Variants in PTPRK observed in about 807,000 individuals in gnomAD.
PTPRK encodes receptor-type tyrosine-protein phosphatase kappa.
In PTPRK, 75 loss-of-function variants were observed where a neutral mutation model predicts 178.0. The ratio of observed to expected loss-of-function variants is 0.42; its 90% CI spans 0.35 to 0.51. PTPRK has a LOEUF of 0.51. Ranked by LOEUF, PTPRK falls within the 20% of genes least tolerant of loss-of-function variation. The pLI is 0.02. For missense variants in PTPRK, 1,441 were observed against 1,797.8 expected (o/e 0.80, Z 3.59); for synonymous variants, 637 against 620.6 (o/e 1.03, Z -0.39).
At chr6:128,017,575 G>A (rs1425375221) in intron 13 of PTPRK, among the ~76,000 whole-genome samples, 2 of 150,934 alleles carry the variant, frequency 1.3e-5, no homozygotes, top group African/African-American at 4.9e-5. Context: ...CCCAGGCTAG[G>A]CAACACTCTT....
At chr6:128,350,341 T>C (rs1193303577) in intron 2 of PTPRK, among the ~76,000 whole-genome samples, 4 of 152,212 alleles carry the variant, frequency 2.6e-5, no homozygotes, top group Non-Finnish European at 2.9e-5. Flanking sequence ...GCAGGTATTA[T>C]ATATGTTGGA....
chr6:128,217,990 A>T (rs1486036608), intron 6 of PTPRK, among the ~76,000 whole-genome samples: 2 of 152,188 alleles, frequency 1.3e-5, no homozygotes, highest in Non-Finnish European at 2.9e-5. Flanking sequence ...CTAGATTTTC[A>T]TATGGCTGAA....
chr6:128,391,428 T>A (rs1318340707), intron 2 of PTPRK, among the ~76,000 whole-genome samples: 1 of 152,168 alleles, frequency 6.6e-6, no homozygotes, highest in African/African-American at 2.4e-5. Context: ...TTGGCCTGAT[T>A]TTCTCAATCT....
At chr6:128,450,249 G>GTTA (rs1211433721) in intron 1 of PTPRK, among the ~76,000 whole-genome samples, 1 of 152,166 alleles carries the variant, frequency 6.6e-6, no homozygotes, top group African/African-American at 2.4e-5. Flanking sequence ...TGTGCACACA[G>GTTA]TTATGACAAT....
intron 2 of PTPRK, among the ~76,000 whole-genome samples, chr6:128,357,101 C>T (rs1834063095): frequency 6.6e-6 from 1 of 152,100 alleles, no homozygotes; most frequent in African/African-American, 2.4e-5. Context: ...GGCTGGAAGT[C>T]CATTAAGATG....
In PTPRK at chr6:128,509,920, G is replaced by A. The variant is rs143836483; in HGVS notation, c.100+10339C>T. ...ATTTAAGTGTTGGTTTAGATAAAGG[G>A]GCATAATGAGTCAACACCAGATAGC... On this transcript the variant is annotated intron_variant, in intron 1 of 29. Coordinates refer to ENST00000368226, the MANE Select transcript of PTPRK (RefSeq NM_002844.4). Among the ~76,000 whole-genome samples the A allele has an allele frequency of 3.3e-5, 5 of 152,188 alleles. No individual in the cohort carries two copies. In the East Asian group the frequency reaches 7.7e-4, roughly 24 times the overall value.
At chr6:127,993,171 G>A (rs1354499576) in intron 18 of PTPRK, among the ~76,000 whole-genome samples, 2 of 151,736 alleles carry the variant, frequency 1.3e-5, no homozygotes, top group Non-Finnish European at 3.0e-5. Flanking sequence ...CAATGCATGT[G>A]TGCATCCAAT....
At chr6:127,976,536 T>G in intron 27 of PTPRK, 121 bp downstream of exon 27, 3 of 1,190,288 alleles carry the variant, frequency 2.5e-6, no homozygotes, top group South Asian at 1.4e-5. Context: ...TTACTAGCTT[T>G]GAGGTGGATG....
intron 5 of PTPRK, among the ~76,000 whole-genome samples, chr6:128,234,945 T>A (rs1352832231): frequency 6.6e-6 from 1 of 152,210 alleles, no homozygotes. Context: ...TAGTGTTCAG[T>A]AGCACCATAG....
chr6:128,324,160 C>T (rs1829227261), intron 2 of PTPRK, among the ~76,000 whole-genome samples: 1 of 152,088 alleles, frequency 6.6e-6, no homozygotes, highest in East Asian at 1.9e-4. Context: ...TAGCCTATTT[C>T]TCCACTACTA....
chr6:128,258,839 T>A (rs577213806), intron 3 of PTPRK, among the ~76,000 whole-genome samples: 1 of 152,326 alleles, frequency 6.6e-6, no homozygotes, highest in South Asian at 2.1e-4. Flanking sequence ...GAGATACGAA[T>A]GATCTTGGAG....
At chr6:128,357,252 T>C (rs936741666) in intron 2 of PTPRK, among the ~76,000 whole-genome samples, 47 of 152,126 alleles carry the variant, frequency 3.1e-4, no homozygotes, top group Non-Finnish European at 1.6e-4. Context: ...TAAATCAAGG[T>C]TTCAAGTCAG....
At chr6:128,354,986 A>G (rs139269947) in intron 2 of PTPRK, among the ~76,000 whole-genome samples, 28 of 152,358 alleles carry the variant, frequency 1.8e-4, no homozygotes, top group African/African-American at 6.5e-4. Flanking sequence ...TACAGAAACC[A>G]GAACTCAACT....
intron 7 of PTPRK, among the ~76,000 whole-genome samples, chr6:128,149,097 T>C (rs760627382): frequency 7.1e-6 from 1 of 140,288 alleles, no homozygotes; most frequent in African/African-American, 2.7e-5. Flanking sequence ...TAGACTGCCA[T>C]TGAATAAGAA....
intron 13 of PTPRK, among the ~76,000 whole-genome samples, chr6:128,054,637 C>T (rs534821788): frequency 6.6e-6 from 1 of 151,560 alleles, no homozygotes; most frequent in Non-Finnish European, 1.5e-5. Flanking sequence ...ACAAGCATTG[C>T]TCACTACACT....
At chr6:128,378,739 G>A (rs934068789) in intron 2 of PTPRK, among the ~76,000 whole-genome samples, 6 of 151,940 alleles carry the variant, frequency 3.9e-5, no homozygotes, top group African/African-American at 7.2e-5. Context: ...AAATATATAC[G>A]TATCTCACTT....
intron 10 of PTPRK, 21 bp from the exon 11 acceptor site, chr6:128,078,939 T>TA (rs781605067): frequency 2.2e-5 from 33 of 1,482,998 alleles, no homozygotes; most frequent in Admixed American, 3.4e-5. Context: ...ATTAATGAGA[T>TA]AAAAAAGGTT....
chr6:128,008,094 G>A (rs764003310), intron 14 of PTPRK: 15 of 1,336,306 alleles, frequency 1.1e-5, no homozygotes, highest in Non-Finnish European at 1.5e-5. Flanking sequence ...ATATCTCCAG[G>A]GGATAATCGT....
rs886944623 is a variant in PTPRK at position 128,423,532 on chromosome 6, C to T, written c.101-25844G>A. Among the ~76,000 whole-genome samples, 20 of 151,874 alleles carry T rather than the reference C, an allele frequency of 1.3e-4. 1 individual carries two copies. The highest frequency in any genetic ancestry group is 4.8e-4 in the African/African-American group (20 of 41,350). ...TATTTCAATTTATTTGAACTTTTTT[C>T]AAAAGTAACATAGATTGGCCAGGTG... On this transcript the variant is annotated intron_variant, in intron 1 of 29. Transcript: ENST00000368226.
Sources: gnomAD v4.1 joint callset for allele counts (sites outside exome capture counted in the v4.1 genomes callset) on GRCh38, gnomAD v4.1.1 for gene constraint, MANE v1.5 for transcripts, NCBI Gene and HGNC (gene_info 2026-07-23, HGNC 2026-07-21) for gene names.